Variants in PSD3 observed in about 807,000 individuals in gnomAD.
PSD3 encodes pleckstrin and Sec7 domain containing 3, also known as PH and SEC7 domain-containing protein 3.
In PSD3, 49 loss-of-function variants were observed where a neutral mutation model predicts 105.5. That is an observed-to-expected ratio of 0.46 (90% confidence interval 0.37 to 0.59). The LOEUF (loss-of-function observed/expected upper bound fraction) is 0.59. PSD3 is among the 20% of genes least tolerant of loss of function. The probability of loss-of-function intolerance (pLI) is 0.00; values close to 1 mark genes in which losing one functional copy is unlikely to be tolerated. For missense variants in PSD3, 1,561 were observed against 1,263.8 expected (o/e 1.24, Z -3.57); for synonymous variants, 557 against 457.8 (o/e 1.22, Z -2.77).
chr8:18,643,903 TATTTC>T (rs1157739361), intron 10 of PSD3, among the ~76,000 whole-genome samples: 1 of 152,242 alleles, frequency 6.6e-6, no homozygotes, highest in African/African-American at 2.4e-5. Context: ...TTATGGCTTG[TATTTC>T]CTAGAACAGT....
intron 1 of PSD3, among the ~76,000 whole-genome samples, chr8:18,955,037 T>G (rs1323756750): frequency 6.6e-6 from 1 of 152,108 alleles, no homozygotes. Context: ...TTCACTAGAT[T>G]AGTTGTGGCA....
At chr8:18,676,556 C>A (rs1563163691) in intron 9 of PSD3, among the ~76,000 whole-genome samples, 1 of 152,098 alleles carries the variant, frequency 6.6e-6, no homozygotes. Flanking sequence ...AACAGGAAAC[C>A]AAGATTGTGG....
chr8:18,936,578 A>G (rs1822150815), intron 1 of PSD3, among the ~76,000 whole-genome samples: 1 of 152,164 alleles, frequency 6.6e-6, no homozygotes, highest in Admixed American at 6.5e-5. Context: ...CCTGACCTAC[A>G]TGGTGAAACC....
intron 1 of PSD3, among the ~76,000 whole-genome samples, chr8:18,986,050 A>G (rs1314418376): frequency 6.6e-6 from 1 of 152,204 alleles, no homozygotes; most frequent in Non-Finnish European, 1.5e-5. Flanking sequence ...GTAGAACCTT[A>G]AAATACACAT....
At chr8:18,580,085 A>G (rs144839483) in intron 12 of PSD3, among the ~76,000 whole-genome samples, 8 of 152,290 alleles carry the variant, frequency 5.3e-5, no homozygotes, top group African/African-American at 1.9e-4. Flanking sequence ...TATCTTTTTT[A>G]AAAAATGCTA....
chr8:18,598,405 T>A (rs1804193829), intron 12 of PSD3, among the ~76,000 whole-genome samples: 1 of 1,296 alleles, frequency 7.7e-4, no homozygotes, highest in Non-Finnish European at 3.9e-3. Flanking sequence ...AAACTTAGAG[T>A]ATAATAAAAA....
At chr8:18,774,603 T>C in intron 8 of PSD3, 1 of 376,982 alleles carries the variant, frequency 2.7e-6, no homozygotes, top group South Asian at 2.2e-5. Context: ...CTGCTGCTGC[T>C]TCTTGGTCTT....
intron 14 of PSD3, among the ~76,000 whole-genome samples, chr8:18,570,759 G>A (rs1013089408): frequency 6.6e-6 from 1 of 151,900 alleles, no homozygotes; most frequent in African/African-American, 2.4e-5. Flanking sequence ...AATGCAAGTA[G>A]TATCTTCTTC....
intron 9 of PSD3, among the ~76,000 whole-genome samples, chr8:18,750,264 T>C (rs1041358702): frequency 2.0e-5 from 3 of 152,118 alleles, no homozygotes; most frequent in African/African-American, 7.2e-5. Context: ...GCTCTTAAGG[T>C]GGCGCGTCTG....
chr8:19,006,328 A>T (rs1053672765), intron 1 of PSD3, among the ~76,000 whole-genome samples: 1 of 151,248 alleles, frequency 6.6e-6, no homozygotes, highest in African/African-American at 2.4e-5. Context: ...ATATAAATAC[A>T]TACAGATGCA....
chr8:18,568,568 C>G (rs1801939525), intron 14 of PSD3, among the ~76,000 whole-genome samples: 2 of 152,110 alleles, frequency 1.3e-5, no homozygotes, highest in African/African-American at 4.8e-5. Flanking sequence ...CCAGAAGTGT[C>G]CATTCTACAC....
At chr8:18,905,880 TA>T (rs1243032200) in intron 2 of PSD3, among the ~76,000 whole-genome samples, 1 of 151,900 alleles carries the variant, frequency 6.6e-6, no homozygotes, top group Non-Finnish European at 1.5e-5. Flanking sequence ...GTGGTCTCTT[TA>T]CAGTAAATAT....
At chr8:18,611,636 A>G (rs77159425) in intron 11 of PSD3, among the ~76,000 whole-genome samples, 4,626 of 152,310 alleles carry the variant, frequency 0.03, 114 homozygotes, top group East Asian at 0.13. Context: ...AAATGCATCA[A>G]ATTTTCATGC....
At chr8:18,971,438 G>C (rs570177400) in intron 1 of PSD3, among the ~76,000 whole-genome samples, 1 of 152,186 alleles carries the variant, frequency 6.6e-6, no homozygotes, top group East Asian at 1.9e-4. Context: ...AACTGGCCTA[G>C]CTGGCCCCAA....
chr8:18,541,191 TG>T (rs1447188400), intron 15 of PSD3, among the ~76,000 whole-genome samples: 2 of 151,140 alleles, frequency 1.3e-5, no homozygotes, highest in African/African-American at 4.9e-5. Context: ...TTTCCTCCTT[TG>T]CCCCCCAATA....
intron 11 of PSD3, among the ~76,000 whole-genome samples, chr8:18,615,801 C>T (rs951385055): frequency 6.6e-6 from 1 of 152,310 alleles, no homozygotes; most frequent in African/African-American, 2.4e-5. Context: ...GTTTCCTCAA[C>T]CTCTGAAGCA....
intron 1 of PSD3, among the ~76,000 whole-genome samples, chr8:19,035,616 A>C (rs895553957): frequency 5.9e-5 from 9 of 152,326 alleles, no homozygotes; most frequent in Non-Finnish European, 1.2e-4. Context: ...TCTGGGCCTC[A>C]AGCAATCCTA....
intron 4 of PSD3, among the ~76,000 whole-genome samples, chr8:18,814,334 G>A (rs1812021172): frequency 6.6e-6 from 1 of 152,150 alleles, no homozygotes; most frequent in Non-Finnish European, 1.5e-5. Flanking sequence ...CCACATGCAA[G>A]GCAGTGCCAT....
At chr8:19,083,872 C>T (rs559259365) in intron 1 of PSD3, among the ~76,000 whole-genome samples, 16 of 152,184 alleles carry the variant, frequency 1.1e-4, no homozygotes, top group Admixed American at 3.9e-4. Flanking sequence ...CATCACAGGA[C>T]CCAATAAATG....
Sources: allele counts gnomAD v4.1 joint callset (sites outside exome capture counted in the v4.1 genomes callset), GRCh38; gene constraint gnomAD v4.1.1; transcripts MANE v1.5; gene names NCBI Gene and HGNC (gene_info 2026-07-23, HGNC 2026-07-21).